The following AKAP6 variants were observed in gnomAD, a reference collection of about 807,000 sequenced individuals.
AKAP6 encodes A-kinase anchor protein 6.
In AKAP6, 58 loss-of-function variants were observed where a neutral mutation model predicts 188.5. The observed-to-expected ratio is 0.31, with a 90% confidence interval of 0.25 to 0.38. AKAP6 has a LOEUF of 0.38. AKAP6 is among the 10% of genes least tolerant of loss of function. The probability of loss-of-function intolerance (pLI) is 1.00; values close to 1 mark genes in which losing one functional copy is unlikely to be tolerated. For missense variants in AKAP6, 2,710 were observed against 2,740.0 expected (o/e 0.99, Z 0.24); for synonymous variants, 989 against 998.6 (o/e 0.99, Z 0.18).
chr14:32,391,287 G>A lies in AKAP6; in HGVS notation c.-34-42173G>A, dbSNP rs374162419. 9.2e-5 allele frequency among the ~76,000 whole-genome samples: 14 copies of A among 152,244 alleles called. No individual in the cohort carries two copies. The East Asian group carries it at 9.6e-4, about 10-fold the overall frequency. ...AATTCCTTGGCTGGAGTGTCTCTGCGCTTGTCTTATTTAGATGTTTTTCTC... is the reference window on the plus strand; with the variant it reads ...AATTCCTTGGCTGGAGTGTCTCTGCACTTGTCTTATTTAGATGTTTTTCTC... On this transcript the variant is annotated intron_variant, in intron 1 of 13. Transcript: ENST00000280979.
chr14:32,540,195 TTAA>T (rs1882883585), intron 3 of AKAP6, among the ~76,000 whole-genome samples: 2 of 132,694 alleles, frequency 1.5e-5, no homozygotes, highest in African/African-American at 2.9e-5. Context: ...TATATATATT[TTAA>T]TTTTTTATTT....
At chr14:32,450,663 T>C (rs1340765141) in intron 2 of AKAP6, among the ~76,000 whole-genome samples, 1 of 152,192 alleles carries the variant, frequency 6.6e-6, no homozygotes, top group Non-Finnish European at 1.5e-5. Context: ...AAGTCATCAG[T>C]TATAATATCA....
At chr14:32,591,846 A>C (rs1327910853) in intron 5 of AKAP6, among the ~76,000 whole-genome samples, 1 of 152,176 alleles carries the variant, frequency 6.6e-6, no homozygotes, top group African/African-American at 2.4e-5. Flanking sequence ...TGTTGGGGAA[A>C]TAGACAATTG....
At chr14:32,685,999 G>C (rs1594846697) in intron 8 of AKAP6, among the ~76,000 whole-genome samples, 1 of 152,114 alleles carries the variant, frequency 6.6e-6, no homozygotes, top group African/African-American at 2.4e-5. Flanking sequence ...CATGTTTGTT[G>C]CAGCATTGTT....
chr14:32,811,374 T>TA (rs1328869391), intron 12 of AKAP6, among the ~76,000 whole-genome samples: 1 of 152,094 alleles, frequency 6.6e-6, no homozygotes, highest in Non-Finnish European at 1.5e-5. Context: ...GTCTCATTAT[T>TA]AAAAAACAAC....
chr14:32,712,429 A>G (rs1364150653), intron 9 of AKAP6, among the ~76,000 whole-genome samples: 1 of 152,056 alleles, frequency 6.6e-6, no homozygotes, highest in African/African-American at 2.4e-5. Flanking sequence ...AGTTTGCCAC[A>G]TTAATTGGCT....
chr14:32,544,914 A>G (rs1458834718), intron 3 of AKAP6, among the ~76,000 whole-genome samples: 1 of 152,184 alleles, frequency 6.6e-6, no homozygotes, highest in Non-Finnish European at 1.5e-5. Flanking sequence ...TGTTTATGAA[A>G]TTCTTATTAA....
At chr14:32,587,618 A>T (rs531426610) in intron 5 of AKAP6, among the ~76,000 whole-genome samples, 42 of 152,276 alleles carry the variant, frequency 2.8e-4, no homozygotes, top group South Asian at 2.3e-3. Flanking sequence ...GAGGGAATAG[A>T]TTCAAGAAAG....
chr14:32,530,364 G>T (rs76074334), intron 2 of AKAP6, among the ~76,000 whole-genome samples: 4 of 150,656 alleles, frequency 2.7e-5, no homozygotes, highest in Non-Finnish European at 4.4e-5. Context: ...CTTTTTTTTT[G>T]TGTGTGTGTT....
intron 4 of AKAP6, among the ~76,000 whole-genome samples, chr14:32,563,698 C>T (rs940016292): frequency 6.6e-6 from 1 of 152,126 alleles, no homozygotes; most frequent in Non-Finnish European, 1.5e-5. Context: ...GGTTCCTGCA[C>T]CCTCTTCTCT....
At chr14:32,524,852 G>C (rs1314731101) in intron 2 of AKAP6, among the ~76,000 whole-genome samples, 2 of 152,136 alleles carry the variant, frequency 1.3e-5, no homozygotes, top group Non-Finnish European at 2.9e-5. Context: ...GTGGTGCATA[G>C]AACACCAGCA....
intron 9 of AKAP6, among the ~76,000 whole-genome samples, chr14:32,727,328 AT>A (rs1201310720): frequency 6.6e-6 from 1 of 152,136 alleles, no homozygotes; most frequent in Non-Finnish European, 1.5e-5. Context: ...GTCTAGCTAT[AT>A]TTATTTTTAA....
Position 32,609,059 on chromosome 14 carries a change from G to A in AKAP6, c.2730+8267G>A, listed in dbSNP as rs374303307. The stretch of plus-strand genomic sequence containing the variant: ...GTTGTTTCTGGCAGGGGAGCAGGCT[G>A]AGCTGGGAGAGCCCTGCCTGCTAAA... On this transcript the variant is annotated intron_variant, in intron 7 of 13. Coordinates refer to ENST00000280979, the MANE Select transcript of AKAP6 (RefSeq NM_004274.5). Among the ~76,000 whole-genome samples the A allele has an allele frequency of 5.9e-5, 9 of 152,046 alleles. No individual in the cohort carries two copies. The East Asian group carries it at 1.5e-3, about 26-fold the overall frequency.
At chr14:32,346,474 G>A (rs1887069282) in intron 1 of AKAP6, among the ~76,000 whole-genome samples, 1 of 152,118 alleles carries the variant, frequency 6.6e-6, no homozygotes, top group South Asian at 2.1e-4. Flanking sequence ...AACTCTGTGG[G>A]ATATGAAGGA....
intron 12 of AKAP6, among the ~76,000 whole-genome samples, chr14:32,800,179 T>C (rs56245781): frequency 4.4e-4 from 24 of 54,758 alleles, no homozygotes; most frequent in Non-Finnish European, 4.7e-4. Flanking sequence ...TATATACATA[T>C]ATATATACAC....
chr14:32,394,371 A>G (rs1295831365), intron 1 of AKAP6, among the ~76,000 whole-genome samples: 2 of 152,208 alleles, frequency 1.3e-5, no homozygotes, highest in Non-Finnish European at 2.9e-5. Flanking sequence ...AAGTATGGTT[A>G]TAACTTTAGG....
intron 7 of AKAP6, among the ~76,000 whole-genome samples, chr14:32,663,377 G>A (rs1888785915): frequency 6.6e-6 from 1 of 152,042 alleles, no homozygotes; most frequent in Non-Finnish European, 1.5e-5. Context: ...TACTTATTGA[G>A]TGTCTGCTGT....
rs188983149 is a variant in AKAP6 at position 32,672,489 on chromosome 14, T to C, written c.2731-5822T>C. 3.2e-3 allele frequency among the ~76,000 whole-genome samples: 494 copies of C among 152,288 alleles called. 4 individuals are homozygous for C. The highest frequency in any genetic ancestry group is 0.011 in the African/African-American group (468 of 41,576). ...CACAGATGGCCACCTTCTTGCTGTG[T>C]TCTCATATGGCTGTTCCTCTGTGCA... On this transcript the variant is annotated intron_variant, in intron 7 of 13. Transcript: ENST00000280979.
chr14:32,671,524 G>A lies in AKAP6; in HGVS notation c.2731-6787G>A, dbSNP rs982121979. Reference sequence around the variant, plus strand: ...TTTTTTTACCGATGGAAAAACAACGGCATTTTTTGGGCTAATGTGCAATAG... The same window carrying A: ...TTTTTTTACCGATGGAAAAACAACGACATTTTTTGGGCTAATGTGCAATAG... On this transcript the variant is annotated intron_variant, in intron 7 of 13. Transcript: ENST00000280979. Among the ~76,000 whole-genome samples the A allele has an allele frequency of 4.0e-5, 6 of 151,704 alleles. No homozygotes were observed. The South Asian group carries it at 6.2e-4, about 16-fold the overall frequency.
Sources: gnomAD v4.1 joint callset for allele counts (sites outside exome capture counted in the v4.1 genomes callset) on GRCh38, gnomAD v4.1.1 for gene constraint, MANE v1.5 for transcripts, NCBI Gene and HGNC (gene_info 2026-07-23, HGNC 2026-07-21) for gene names.